The following STAU2 variants were observed in gnomAD, a reference collection of about 807,000 sequenced individuals.
The protein encoded by STAU2 is double-stranded RNA-binding protein Staufen homolog 2.
A neutral mutation model predicts 65.9 loss-of-function variants in STAU2; 20 were observed. The ratio of observed to expected loss-of-function variants is 0.30; its 90% CI spans 0.21 to 0.44. The LOEUF is 0.44. Ranked by LOEUF, STAU2 falls within the 20% of genes least tolerant of loss-of-function variation. STAU2 has a pLI of 1.00. For synonymous variants in STAU2, 232 were observed against 233.9 expected, an observed-to-expected ratio of 0.99 and a Z score of 0.07; for missense variants, 558 against 683.9, an observed-to-expected ratio of 0.82 and a Z score of 2.05.
At position 73,477,666 on chromosome 8, in the gene STAU2, C is replaced by T. The variant is rs1050757903; in HGVS notation, c.1531-54964G>A. Among the ~76,000 whole-genome samples, 7 of 152,104 alleles carry T rather than the reference C, an allele frequency of 4.6e-5. No homozygotes were observed. The South Asian group carries it at 1.5e-3, about 32-fold the overall frequency. On this transcript the variant is annotated intron_variant, in intron 13 of 14. Transcript: ENST00000524300. ...AGGACAATGCTAACTGAGGGCAGGGCCAGTAGACGGACAGAAGTTCTACAG... is the reference window on the plus strand; with the variant it reads ...AGGACAATGCTAACTGAGGGCAGGGTCAGTAGACGGACAGAAGTTCTACAG...
intron 1 of STAU2, among the ~76,000 whole-genome samples, chr8:73,744,585 C>A (rs1186592427): frequency 6.6e-6 from 1 of 151,770 alleles, no homozygotes; most frequent in African/African-American, 2.4e-5. Context: ...AGCTTGATGA[C>A]TATCTTAGAT....
intron 13 of STAU2, among the ~76,000 whole-genome samples, chr8:73,436,570 T>TTATG (rs374410932): frequency 6.9e-6 from 1 of 145,604 alleles, no homozygotes; most frequent in East Asian, 2.0e-4. Context: ...TGCCAATTTT[T>TTATG]TATTTATTTA....
chr8:73,514,627 C>T (rs74847155), intron 13 of STAU2, among the ~76,000 whole-genome samples: 1,545 of 152,284 alleles, frequency 0.01, 26 homozygotes, highest in African/African-American at 0.036. Flanking sequence ...CTAAAAGAAG[C>T]TTAATCAGAT....
At chr8:73,710,790 C>T (rs1820837728) in intron 3 of STAU2, among the ~76,000 whole-genome samples, 1 of 151,812 alleles carries the variant, frequency 6.6e-6, no homozygotes, top group Non-Finnish European at 1.5e-5. Flanking sequence ...GGATTACTTC[C>T]TGCTCATTTA....
chr8:73,579,233 T>A (rs2128960939), intron 12 of STAU2, among the ~76,000 whole-genome samples: 1 of 152,306 alleles, frequency 6.6e-6, no homozygotes, highest in Middle Eastern at 3.4e-3. Context: ...TCTTTGGTCA[T>A]CTCTAATGAA....
At chr8:73,482,513 T>G (rs1820688128) in intron 13 of STAU2, among the ~76,000 whole-genome samples, 1 of 152,136 alleles carries the variant, frequency 6.6e-6, no homozygotes, top group Non-Finnish European at 1.5e-5. Context: ...CACACTCTCA[T>G]ACGAGCAGTC....
chr8:73,683,943 C>T (rs1449988985), intron 5 of STAU2, among the ~76,000 whole-genome samples: 1 of 152,124 alleles, frequency 6.6e-6, no homozygotes, highest in African/African-American at 2.4e-5. Context: ...CAAAACACTG[C>T]TGAAAGAAAT....
chr8:73,509,240 T>C (rs765013562), intron 13 of STAU2, among the ~76,000 whole-genome samples: 4 of 152,212 alleles, frequency 2.6e-5, no homozygotes, highest in Admixed American at 6.5e-5. Flanking sequence ...ATTTCCCTGA[T>C]GGCTAATGAC....
chr8:73,727,393 AGGC>A (rs1352233399), intron 3 of STAU2, among the ~76,000 whole-genome samples: 1 of 152,182 alleles, frequency 6.6e-6, no homozygotes, highest in Non-Finnish European at 1.5e-5. Flanking sequence ...CCTTAATCCC[AGGC>A]CCTGGCAAGC....
At chr8:73,708,805 G>C (rs1307966570) in intron 4 of STAU2, among the ~76,000 whole-genome samples, 1 of 152,104 alleles carries the variant, frequency 6.6e-6, no homozygotes, top group Non-Finnish European at 1.5e-5. Context: ...ATATCATGTG[G>C]TTTTATTAAG....
chr8:73,651,104 C>T (rs1460070420), intron 6 of STAU2, among the ~76,000 whole-genome samples: 3 of 152,196 alleles, frequency 2.0e-5, no homozygotes, highest in African/African-American at 7.2e-5. Flanking sequence ...TGCTCAGGGC[C>T]GACCCACACC....
intron 4 of STAU2, among the ~76,000 whole-genome samples, chr8:73,694,643 A>T (rs892850441): frequency 2.0e-5 from 3 of 152,208 alleles, no homozygotes; most frequent in African/African-American, 7.2e-5. Flanking sequence ...AAGAAACAAA[A>T]ATCAGGTGAA....
intron 6 of STAU2, among the ~76,000 whole-genome samples, chr8:73,665,138 T>A (rs1817137305): frequency 6.6e-6 from 1 of 152,226 alleles, no homozygotes. Context: ...TGCGTCTTTG[T>A]TATGGGTTTA....
At position 73,481,528 on chromosome 8, in the gene STAU2, A is replaced by ACCAAAAAAAACC. The variant is rs144941077; in HGVS notation, c.1531-58827_1531-58826insGGTTTTTTTTGG. Among the ~76,000 whole-genome samples the ACCAAAAAAAACC allele has an allele frequency of 7.6e-5, 11 of 145,444 alleles. 1 individual carries two copies. Among genetic ancestry groups the ACCAAAAAAAACC allele is most frequent in the Middle Eastern group, 3.6e-3 (1 of 278 alleles). Reference sequence around the variant, plus strand: ...AAAAACAAAAAAACAAAAAAAAAAAACACTTTTTTTGAGTGAACCAAACTA... The same window carrying ACCAAAAAAAACC: ...AAAAACAAAAAAACAAAAAAAAAAAACCAAAAAAAACCCACTTTTTTTGAGTGAACCAAACTA... On this transcript the variant is annotated intron_variant, in intron 13 of 14. Transcript: ENST00000524300.
At chr8:73,650,530 T>G (rs1213676157) in intron 6 of STAU2, among the ~76,000 whole-genome samples, 1 of 152,188 alleles carries the variant, frequency 6.6e-6, no homozygotes, top group East Asian at 1.9e-4. Context: ...CACTCATCTA[T>G]ATCAAACCAA....
At chr8:73,537,248 T>C (rs1806239005) in intron 13 of STAU2, among the ~76,000 whole-genome samples, 3 of 152,134 alleles carry the variant, frequency 2.0e-5, no homozygotes, top group Non-Finnish European at 4.4e-5. Flanking sequence ...TGTGAGATCA[T>C]AACATCTAAT....
chr8:73,709,000 G>A lies in STAU2; in HGVS notation c.114+32C>T, dbSNP rs1022837261. On this transcript the variant is annotated intron_variant, in intron 4 of 14. Transcript: ENST00000524300. ...GATGATAAATCTGTTAGTCTGATAAGTATGTCTCACCACCTCTCTTCATAA... is the reference window on the plus strand; with the variant it reads ...GATGATAAATCTGTTAGTCTGATAAATATGTCTCACCACCTCTCTTCATAA... The A allele has an allele frequency of 1.6e-5, 24 of 1,469,744 alleles. 1 individual carries two copies. Among genetic ancestry groups the A allele is most frequent in the East Asian group, 1.5e-4 (6 of 38,790 alleles). The allele number at this position is 1,469,744 out of a possible 1,614,324, so 91.0% of individuals were successfully genotyped here. A position where few individuals can be genotyped will look rare whatever the true frequency, so the allele number is the denominator to read the frequency against.
intron 3 of STAU2, among the ~76,000 whole-genome samples, chr8:73,720,994 T>C (rs1259417184): frequency 6.6e-6 from 1 of 151,430 alleles, no homozygotes; most frequent in Non-Finnish European, 1.5e-5. Context: ...AAGACTTGTT[T>C]CATGGCCAGG....
At chr8:73,639,007 TAAG>T (rs140086332) in intron 6 of STAU2, among the ~76,000 whole-genome samples, 4,377 of 152,110 alleles carry the variant, frequency 0.029, 174 homozygotes, top group African/African-American at 0.096. Flanking sequence ...AATGATTCCA[TAAG>T]AAGATGCCAC....
Sources: gnomAD v4.1 joint callset for allele counts (sites outside exome capture counted in the v4.1 genomes callset) on GRCh38, gnomAD v4.1.1 for gene constraint, MANE v1.5 for transcripts, NCBI Gene and HGNC (gene_info 2026-07-23, HGNC 2026-07-21) for gene names.